Variants in LRRK1 observed in about 807,000 individuals in gnomAD.
The protein encoded by LRRK1 is leucine-rich repeat serine/threonine-protein kinase 1.
Under a neutral mutation model 209.1 loss-of-function variants are expected in LRRK1, and 113 were observed. The observed-to-expected ratio is 0.54, with a 90% CI of 0.46 to 0.63. The LOEUF (loss-of-function observed/expected upper bound fraction) is 0.63, where lower values mean the gene tolerates loss of function less well. Ranked by LOEUF, LRRK1 falls within the 30% of genes least tolerant of loss-of-function variation. The probability of loss-of-function intolerance (pLI) is 0.00; values close to 1 mark genes in which losing one functional copy is unlikely to be tolerated. For missense variants in LRRK1, 2,284 were observed against 2,632.2 expected (o/e 0.87, Z 2.89); for synonymous variants, 1,144 against 1,099.7 (o/e 1.04, Z -0.80).
At chr15:101,017,280 G>A (rs780781742) in intron 12 of LRRK1, among the ~76,000 whole-genome samples, 145 of 152,336 alleles carry the variant, frequency 9.5e-4, no homozygotes, top group Middle Eastern at 3.4e-3. Flanking sequence ...CCGCTGCTAC[G>A]CTCTTGGATG....
In LRRK1 at chr15:100,988,683, C is replaced by T; in HGVS notation, c.483C>T (p.Cys161=). The change falls in exon 5 of 34, where the codon TGC becomes TGT. Residue 161 remains cysteine, a synonymous_variant. Coordinates refer to ENST00000388948, the MANE Select transcript of LRRK1 (RefSeq NM_024652.6). ...TGAACTGGATGCTGGCCTTGGCTTG[C>T]CAGCGAGGGCACCTGGGGGTTGTGA... is the stretch of plus-strand genomic sequence containing the variant. ...RLLNWMLALA[C]QRGHLGVVKL... The T allele has an allele frequency of 3.1e-6, 5 of 1,614,176 alleles. No individual in the cohort carries two copies. The highest frequency in any genetic ancestry group is 3.4e-6 in the Non-Finnish European group (4 of 1,180,048).
At chr15:100,924,428 C>T (rs12148493) in intron 1 of LRRK1, 83 bp from the exon 2 acceptor site, 1 of 572,478 alleles carries the variant, frequency 1.7e-6, no homozygotes, top group East Asian at 2.9e-5. Flanking sequence ...AGAGGGAAAA[C>T]TAAATGAACC....
chr15:100,940,564 T>A (rs2042382772), intron 2 of LRRK1, among the ~76,000 whole-genome samples: 1 of 152,204 alleles, frequency 6.6e-6, no homozygotes, highest in South Asian at 2.1e-4. Context: ...TGCTTCACAG[T>A]GCAACTCTTC....
intron 15 of LRRK1, among the ~76,000 whole-genome samples, chr15:101,023,562 AC>A (rs2033891280): frequency 6.6e-6 from 1 of 152,136 alleles, no homozygotes; most frequent in East Asian, 1.9e-4. Flanking sequence ...GATTTCTGCC[AC>A]CCTGTGATTC....
Position 101,008,950 on chromosome 15 carries a change from C to T in LRRK1, c.876C>T (p.Thr292=). The stretch of plus-strand genomic sequence containing the variant: ...ACCTTTCTGCCAACTGCCTGGCGAC[C>T]CTCCCCTCGGTTATCCCCTGGGGCC... ...ELDLSANCLA[T]LPSVIPWGLI... The change falls in exon 7 of 34, where the codon ACC becomes ACT. Residue 292 remains threonine, a synonymous_variant. Coordinates refer to ENST00000388948, the MANE Select transcript of LRRK1 (RefSeq NM_024652.6). 6.2e-7 allele frequency: 1 copy of T among 1,614,152 alleles called. No homozygotes were observed. The highest frequency in any genetic ancestry group is 8.5e-7 in the Non-Finnish European group (1 of 1,180,008).
chr15:100,962,065 G>A (rs1213222514), intron 2 of LRRK1, among the ~76,000 whole-genome samples: 2 of 152,164 alleles, frequency 1.3e-5, no homozygotes, highest in Non-Finnish European at 2.9e-5. Flanking sequence ...AGAGCAAACA[G>A]TTGCTTCAAT....
intron 2 of LRRK1, among the ~76,000 whole-genome samples, chr15:100,926,689 T>C (rs1299912087): frequency 2.7e-4 from 37 of 136,754 alleles, no homozygotes; most frequent in East Asian, 2.1e-4. Flanking sequence ...TCTTTTTTTT[T>C]TTTTTTTTTT....
At chr15:100,950,967 G>C (rs1024974953) in intron 2 of LRRK1, among the ~76,000 whole-genome samples, 1 of 152,220 alleles carries the variant, frequency 6.6e-6, no homozygotes, top group Non-Finnish European at 1.5e-5. Flanking sequence ...GCCGGGCGTG[G>C]TGGCGGGCGC....
In LRRK1 at chr15:100,919,693, G is replaced by A. The variant is rs570901389; in HGVS notation, c.-123+242G>A. Among the ~76,000 whole-genome samples, 3 of 151,996 alleles carry A rather than the reference G, an allele frequency of 2.0e-5. No homozygotes were observed. The highest frequency in any genetic ancestry group is 7.2e-5 in the African/African-American group (3 of 41,514). On this transcript the variant is annotated intron_variant, in intron 1 of 33. Transcript: ENST00000388948. The surrounding 1 kb of genome is among the most constrained non-coding windows in gnomAD (Gnocchi z 5.8). ...TCACGTCCCCGCTGCCTCCCGCCGC[G>A]CCCGGAGCCCAGCCAGCCTGTGGGA...
At chr15:101,031,736 C>A (rs2034291418) in intron 20 of LRRK1, among the ~76,000 whole-genome samples, 1 of 143,036 alleles carries the variant, frequency 7.0e-6, no homozygotes, top group Admixed American at 7.3e-5. Context: ...TTCCTCCCCA[C>A]TATTTTTTTT....
chr15:101,047,679 G>A (rs1264984885), intron 21 of LRRK1, among the ~76,000 whole-genome samples: 2 of 152,208 alleles, frequency 1.3e-5, no homozygotes, highest in African/African-American at 4.8e-5. Flanking sequence ...AAGCTGAGCC[G>A]TAATCCCCAG....
At chr15:100,950,920 G>A (rs377028535) in intron 2 of LRRK1, among the ~76,000 whole-genome samples, 275 of 152,228 alleles carry the variant, frequency 1.8e-3, no homozygotes, top group Middle Eastern at 0.01. Context: ...TGGCTAACAC[G>A]GTGAAACGCC....
chr15:101,045,913 G>T, intron 20 of LRRK1, 68 bp from the exon 21 acceptor site: 1 of 1,381,890 alleles, frequency 7.2e-7, no homozygotes, highest in Non-Finnish European at 1.0e-6. Flanking sequence ...CAGGCCATCT[G>T]CTGGGGTCAG....
Position 101,009,014 on chromosome 15 carries a change from C to G in LRRK1, c.940C>G (p.Leu314Val), listed in dbSNP as rs1270878753. ...GAAGCTGAACCTCTCCGACAACCAC[C>G]TGGGGGAGCTGCCTGGCGTGCAGTC... ...LRKLNLSDNH[L>V]GELPGVQSSD... Residue 314 changes from leucine to valine, a missense_variant, in exon 7 of 34, where the codon CTG (leucine) becomes GTG (valine). Leu to Val is a conservative substitution (Grantham distance 32). Around this residue, in one of 6 missense-constraint regions of LRRK1, gnomAD observed 494 missense variants for 522.1 expected, o/e 0.95. Transcript: ENST00000388948. 1 of 1,614,114 alleles carries G rather than the reference C, an allele frequency of 6.2e-7. No homozygotes were observed. Among genetic ancestry groups the G allele is most frequent in the African/African-American group, 1.3e-5 (1 of 74,946 alleles).
Position 101,054,963 on chromosome 15 carries a change from C to G in LRRK1, c.4072C>G (p.Leu1358Val). The stretch of plus-strand genomic sequence containing the variant: ...TTTGCAAGATTCTTCCTTTATACCC[C>G]TGGGACACATGCTCACCCAAAAAAT... ...ENARDSSFIP[L>V]GHMLTQKIAY... is the part of the protein sequence containing the mutation. The change falls in exon 27 of 34, where the codon CTG (leucine) becomes GTG (valine). Residue 1358 changes from leucine to valine, a missense_variant. By Grantham distance (32) the Leu-to-Val change is conservative. Transcript: ENST00000388948. 6.2e-7 allele frequency: 1 copy of G among 1,611,920 alleles called. No homozygotes were observed.
At chr15:101,041,251 T>C (rs559064867) in intron 20 of LRRK1, among the ~76,000 whole-genome samples, 2 of 152,382 alleles carry the variant, frequency 1.3e-5, no homozygotes, top group East Asian at 1.9e-4. Context: ...CCTATTCTTC[T>C]AGTAGCAGGT....
chr15:100,931,661 C>T (rs2042214452), intron 2 of LRRK1, among the ~76,000 whole-genome samples: 1 of 152,122 alleles, frequency 6.6e-6, no homozygotes, highest in Non-Finnish European at 1.5e-5. Context: ...GAGGCCAGGG[C>T]AGGGCTCCTC....
At chr15:101,049,550 CGGGGGTTGGTTCCTGTCCCT>C (rs1389660857) in intron 22 of LRRK1, 74 bp from the exon 23 acceptor site, 30 of 1,445,434 alleles carry the variant, frequency 2.1e-5, no homozygotes, top group Admixed American at 1.2e-4. Flanking sequence ...TCCAGGTCCC[CGGGGGTTGGTTCCTGTCCCT>C]GGGGGTAGGG....
intron 26 of LRRK1, 74 bp downstream of exon 26, chr15:101,053,494 G>T: frequency 7.4e-7 from 1 of 1,347,418 alleles, no homozygotes; most frequent in South Asian, 1.3e-5. Context: ...GGCACGGGGG[G>T]TAGAGCCTCA....
Sources: allele counts gnomAD v4.1 joint callset (sites outside exome capture counted in the v4.1 genomes callset), GRCh38; gene constraint gnomAD v4.1.1; regional missense constraint gnomAD v4.1.1; non-coding constraint Gnocchi (gnomAD v3.1); transcripts MANE v1.5; gene names NCBI Gene and HGNC (gene_info 2026-07-23, HGNC 2026-07-21).